PADI4: variants seen among roughly 807,000 people sequenced by gnomAD.
The protein encoded by PADI4 is protein-arginine deiminase type-4.
Under a neutral mutation model 75.0 loss-of-function variants are expected in PADI4, and 62 were observed. The ratio of observed to expected loss-of-function variants is 0.83; its 90% CI spans 0.67 to 1.02. PADI4 has a LOEUF of 1.02. Among genes scored for constraint, PADI4 ranks in the 50% least tolerant of loss-of-function variants. The probability of loss-of-function intolerance (pLI) is 0.00; values close to 1 mark genes in which losing one functional copy is unlikely to be tolerated. For synonymous variants in PADI4, 361 were observed against 348.1 expected (o/e 1.04, Z -0.41); for missense variants, 845 against 850.5 (o/e 0.99, Z 0.08).
At chr1:17,358,136 T>C (rs1352676320) in intron 13 of PADI4, among the ~76,000 whole-genome samples, 1 of 151,400 alleles carries the variant, frequency 6.6e-6, no homozygotes, top group Non-Finnish European at 1.5e-5. Context: ...TAATCCCAGC[T>C]ACTGGGGAGG....
chr1:17,354,792 C>A, intron 11 of PADI4, 105 bp downstream of exon 11: 1 of 1,085,654 alleles, frequency 9.2e-7, no homozygotes, highest in Non-Finnish European at 1.3e-6. Flanking sequence ...TTCTAGACAG[C>A]CCAACAGACT....
intron 1 of PADI4, among the ~76,000 whole-genome samples, chr1:17,330,096 G>A (rs868782812): frequency 3.3e-5 from 5 of 152,194 alleles, no homozygotes; most frequent in African/African-American, 1.2e-4. Flanking sequence ...GCACAGTGGC[G>A]TGGTGGAAAC....
intron 1 of PADI4, among the ~76,000 whole-genome samples, chr1:17,310,666 A>C (rs548704886): frequency 6.6e-6 from 1 of 152,214 alleles, no homozygotes; most frequent in South Asian, 2.1e-4. Context: ...GGTCACATAA[A>C]TTAAAGGTGG....
In PADI4 at chr1:17,334,447, C is replaced by T. The variant is rs553803051; in HGVS notation, c.340+438C>T. 5.9e-5 allele frequency: 27 copies of T among 453,942 alleles called. No individual in the cohort carries two copies. The East Asian group carries it at 8.5e-4, about 14-fold the overall frequency. 28.1% of individuals were successfully genotyped at this position (453,942 alleles called of 1,614,324 possible). ...CGTCCCTAGTAGCTGGGACTACAGG[C>T]GCTTGCCACCACGCCTGGCTAATTT... On this transcript the variant is annotated intron_variant, in intron 3 of 15. Transcript: ENST00000375448.
intron 10 of PADI4, among the ~76,000 whole-genome samples, chr1:17,352,036 G>GAGGCAGT (rs1473126517): frequency 0.023 from 1,444 of 61,758 alleles, 152 homozygotes; most frequent in Middle Eastern, 0.041. Context: ...GAGGTGATGG[G>GAGGCAGT]AGGAGAGGCA....
In PADI4 at chr1:17,352,483, C is replaced by T. The variant is rs189161124; in HGVS notation, c.1156-2050C>T. 4.7e-3 allele frequency among the ~76,000 whole-genome samples: 709 copies of T among 152,132 alleles called. 4 individuals carry two copies. Among genetic ancestry groups the T allele is most frequent in the African/African-American group, 0.016 (678 of 41,502 alleles). ...TGTTGTTGAGTAAAGAGAACAGAGG[C>T]AAGGGGCAAGGGAGTGGGCAGGTGA... On this transcript the variant is annotated intron_variant, in intron 10 of 15. Coordinates refer to ENST00000375448, the MANE Select transcript of PADI4 (RefSeq NM_012387.3).
In PADI4 at chr1:17,351,955, G is replaced by T. The variant is rs12731357; in HGVS notation, c.1156-2578G>T. On this transcript the variant is annotated intron_variant, in intron 10 of 15. Transcript: ENST00000375448. ...CGGTCAGGGAGGTGATGGGAGGTGG[G>T]AGGAGAGGCGGCCAGGGAGGTGATG... 5.8e-3 allele frequency among the ~76,000 whole-genome samples: 614 copies of T among 105,036 alleles called. 5 individuals carry two copies. Among genetic ancestry groups the T allele is most frequent in the African/African-American group, 0.017 (436 of 26,270 alleles). The allele number at this position is 105,036 out of a possible 152,430, so 68.9% of individuals were successfully genotyped here.
At chr1:17,344,899 T>G (rs995807688) in intron 8 of PADI4, among the ~76,000 whole-genome samples, 1 of 152,230 alleles carries the variant, frequency 6.6e-6, no homozygotes, top group African/African-American at 2.4e-5. Context: ...GAGTCCCTAC[T>G]GGGACACCAC....
At chr1:17,340,458 G>A (rs2074397813) in intron 6 of PADI4, among the ~76,000 whole-genome samples, 1 of 152,136 alleles carries the variant, frequency 6.6e-6, no homozygotes, top group African/African-American at 2.4e-5. Flanking sequence ...TGCCATGTGA[G>A]CAGAGGGAGG....
At chr1:17,362,464 C>T (rs1476077315) in intron 15 of PADI4, among the ~76,000 whole-genome samples, 2 of 151,724 alleles carry the variant, frequency 1.3e-5, no homozygotes, top group African/African-American at 2.4e-5. Context: ...CATGTTCTCA[C>T]GTATAGGTAG....
Position 17,363,691 on chromosome 1 carries a change from T to G in PADI4, c.1928T>G (p.Val643Gly), listed in dbSNP as rs2074880187. Reference protein sequence around the residue: ...FFTYHIRHGEVHCGTNVRRKP... With the variant: ...FFTYHIRHGEGHCGTNVRRKP... ...ACCTACCACATCAGGCATGGGGAGG[T>G]GCACTGCGGCACCAACGTGCGCAGA... The change falls in exon 16 of 16, where the codon GTG becomes GGG. Residue 643 changes from valine (V) to glycine (G), a missense_variant. Physicochemically the swap from Val to Gly is moderately radical, Grantham distance 109. Coordinates refer to ENST00000375448, the MANE Select transcript of PADI4 (RefSeq NM_012387.3). 1 of 1,614,104 alleles carries G rather than the reference T, an allele frequency of 6.2e-7. No homozygotes were observed. Among genetic ancestry groups the G allele is most frequent in the East Asian group, 2.2e-5 (1 of 44,866 alleles).
chr1:17,348,795 C>G (rs553219106), intron 10 of PADI4: 1 of 152,308 alleles, frequency 6.6e-6, no homozygotes, highest in African/African-American at 2.4e-5. Flanking sequence ...GGTGAGCATG[C>G]TTTTCCCCGC....
chr1:17,317,776 T>A (rs375023602), intron 1 of PADI4, among the ~76,000 whole-genome samples: 5 of 152,072 alleles, frequency 3.3e-5, no homozygotes, highest in South Asian at 4.1e-4. Flanking sequence ...ATCCCAGCAC[T>A]TTGGGAGGCC....
rs773195902 is a variant in PADI4 at position 17,359,244 on chromosome 1, CA to C, written c.1630-35del. 6 of 641,000 alleles carry C rather than the reference CA, an allele frequency of 9.4e-6. 1 individual carries two copies. The South Asian group carries it at 1.0e-4, about 11-fold the overall frequency. The allele number at this position is 641,000 out of a possible 1,614,324, so 39.7% of individuals were successfully genotyped here. A position where few individuals can be genotyped will look rare whatever the true frequency, so the allele number is the denominator to read the frequency against. ...CCCCACCCCCACCCCCGACTGCCAT[CA>C]GTCCCCCACTCACTGCCCCTGCCCC... On this transcript the variant is annotated intron_variant, in intron 14 of 15. Coordinates refer to ENST00000375448, the MANE Select transcript of PADI4 (RefSeq NM_012387.3).
intron 1 of PADI4, among the ~76,000 whole-genome samples, chr1:17,317,763 G>A (rs2073966007): frequency 6.6e-6 from 1 of 151,134 alleles, no homozygotes; most frequent in South Asian, 2.2e-4. Flanking sequence ...GCTTGCGCCT[G>A]TAATCCCAGC....
At chr1:17,357,395 C>T (rs2074778411) in intron 13 of PADI4, among the ~76,000 whole-genome samples, 2 of 152,042 alleles carry the variant, frequency 1.3e-5, no homozygotes, top group African/African-American at 4.8e-5. Context: ...TCTCGAACTC[C>T]TGACCTGGTG....
At chr1:17,361,288 G>A (rs144030000) in intron 15 of PADI4, among the ~76,000 whole-genome samples, 155 of 152,352 alleles carry the variant, frequency 1.0e-3, no homozygotes, top group African/African-American at 3.4e-3. Context: ...GACCCCAAGC[G>A]TTTTGTTTCC....
chr1:17,327,115 A>G (rs943865157), intron 1 of PADI4, among the ~76,000 whole-genome samples: 1 of 151,806 alleles, frequency 6.6e-6, no homozygotes, highest in African/African-American at 2.4e-5. Context: ...GTTTTACCAT[A>G]TTGCTCAGGC....
chr1:17,309,154 A>G (rs1201032638), intron 1 of PADI4, among the ~76,000 whole-genome samples: 1 of 98,510 alleles, frequency 1.0e-5, no homozygotes, highest in Non-Finnish European at 2.1e-5. Flanking sequence ...TTAAAAAAAA[A>G]AAAAACAATT....
Sources: allele counts gnomAD v4.1 joint callset (sites outside exome capture counted in the v4.1 genomes callset), GRCh38; gene constraint gnomAD v4.1.1; transcripts MANE v1.5; gene names NCBI Gene and HGNC (gene_info 2026-07-23, HGNC 2026-07-21).